Variants in CENPE observed in about 807,000 individuals in gnomAD.
The protein encoded by CENPE is centromere protein E.
Under a neutral mutation model 336.1 loss-of-function variants are expected in CENPE, and 145 were observed. The ratio of observed to expected loss-of-function variants is 0.43; its 90% CI spans 0.38 to 0.50. CENPE has a LOEUF of 0.50. Among genes scored for constraint, CENPE ranks in the 20% least tolerant of loss-of-function variants. The pLI is 0.00. For missense variants in CENPE, 2,719 were observed against 3,023.3 expected (o/e 0.90, Z 2.36); for synonymous variants, 1,013 against 984.8 (o/e 1.03, Z -0.54).
At chr4:103,143,115 T>G in intron 34 of CENPE, 133 bp downstream of exon 34, 1 of 558,688 alleles carries the variant, frequency 1.8e-6, no homozygotes, top group Non-Finnish European at 3.1e-6. Flanking sequence ...AAAAGATCAA[T>G]GATAGTTTCT....
At chr4:103,171,237 T>C (rs55895342) in intron 16 of CENPE, among the ~76,000 whole-genome samples, 22,237 of 152,030 alleles carry the variant, frequency 0.15, 1,934 homozygotes, top group South Asian at 0.31. Context: ...TCTTATCAAC[T>C]GCACATGGAA....
In CENPE at chr4:103,141,844, A is replaced by G. The variant is rs746916598; in HGVS notation, c.5369T>C (p.Ile1790Thr). Reference sequence around the variant, plus strand: ...AGAAACAATTCCTCTGAGTTTGTCAATAGTTTCCTGCTGCTCTTTCAGATG... The same window carrying G: ...AGAAACAATTCCTCTGAGTTTGTCAGTAGTTTCCTGCTGCTCTTTCAGATG... The part of the protein sequence containing the change: ...HMHLKEQQET[I>T]DKLRGIVSEK... Residue 1790 changes from isoleucine (I) to threonine (T), a missense_variant, in exon 35 of 49, where the codon ATT becomes ACT. Ile to Thr is a moderately conservative substitution (Grantham distance 89). Coordinates refer to ENST00000265148, the MANE Select transcript of CENPE (RefSeq NM_001813.3). The G allele has an allele frequency of 2.5e-6, 4 of 1,601,126 alleles. No homozygotes were observed. The highest frequency in any genetic ancestry group is 1.7e-5 in the Admixed American group (1 of 59,138).
At position 103,152,960 on chromosome 4, in the gene CENPE, T is replaced by C. The variant is rs542246102; in HGVS notation, c.3237+87A>G. ...ACTTCCACCAGATACATTTATTGTA[T>C]ATAAATTATACCTCAATAAAGTTGA... On this transcript the variant is annotated intron_variant, in intron 25 of 48. Coordinates refer to ENST00000265148, the MANE Select transcript of CENPE (RefSeq NM_001813.3). 4.3e-5 allele frequency: 40 copies of C among 940,536 alleles called. No individual in the cohort carries two copies. In the South Asian group the frequency reaches 5.4e-4, roughly 13 times the overall value. 58.3% of individuals were successfully genotyped at this position (940,536 alleles called of 1,614,324 possible). A position where few individuals can be genotyped will look rare whatever the true frequency, so the allele number is the denominator to read the frequency against.
chr4:103,193,140 A>G (rs4699050), intron 8 of CENPE, among the ~76,000 whole-genome samples: 51,693 of 151,796 alleles, frequency 0.34, 9,200 homozygotes, highest in Middle Eastern at 0.47. Context: ...GATGGAACAC[A>G]AATGACAGAG....
chr4:103,113,296 C>G (rs966301614), intron 46 of CENPE, among the ~76,000 whole-genome samples: 1 of 141,522 alleles, frequency 7.1e-6, no homozygotes, highest in South Asian at 2.2e-4. Context: ...AAATCCTTCA[C>G]AGCAGTTCTG....
chr4:103,122,750 C>G, intron 43 of CENPE, 121 bp downstream of exon 43: 1 of 695,586 alleles, frequency 1.4e-6, no homozygotes, highest in Non-Finnish European at 2.5e-6. Flanking sequence ...TAGTAAAAAT[C>G]AAGCCCATCA....
Position 103,109,079 on chromosome 4 carries a change from G to A in CENPE, c.7735C>T (p.His2579Tyr), listed in dbSNP as rs762856315. The change falls in exon 48 of 49, where the codon CAT (histidine) becomes TAT (tyrosine). Residue 2579 changes from histidine to tyrosine, a missense_variant. Coordinates refer to ENST00000265148, the MANE Select transcript of CENPE (RefSeq NM_001813.3). ...QKNELLSNNQ[H>Y]LSNEVKTWKE... is the part of the protein sequence containing the mutation. Reference sequence around the variant, plus strand: ...CAAGTTTTGACCTCATTGGAAAGATGCTGATTATTGCTTAAATGTGGGGGA... The same window carrying A: ...CAAGTTTTGACCTCATTGGAAAGATACTGATTATTGCTTAAATGTGGGGGA... 6.2e-6 allele frequency: 10 copies of A among 1,606,400 alleles called. No homozygotes were observed. The highest frequency in any genetic ancestry group is 8.5e-6 in the Non-Finnish European group (10 of 1,176,618).
At chr4:103,114,343 G>C in intron 46 of CENPE, 112 bp downstream of exon 46, 1 of 604,434 alleles carries the variant, frequency 1.7e-6, no homozygotes, top group Non-Finnish European at 2.9e-6. Flanking sequence ...TAGATTAGTG[G>C]CCAACTTCTG....
In CENPE at chr4:103,133,626, T is replaced by G. The variant is rs1751802652; in HGVS notation, c.6720+69A>C. ...GTAAATGAAAATAGCTCTAAGCACA[T>G]GAAAAAGTACCTTTCTACTTGATAA... is the stretch of plus-strand genomic sequence containing the variant. On this transcript the variant is annotated intron_variant, in intron 41 of 48. Coordinates refer to ENST00000265148, the MANE Select transcript of CENPE (RefSeq NM_001813.3). 9 of 1,049,716 alleles carry G rather than the reference T, an allele frequency of 8.6e-6. 1 individual carries two copies. In the South Asian group the frequency reaches 1.3e-4, roughly 15 times the overall value. The allele number at this position is 1,049,716 out of a possible 1,614,324, so 65.0% of individuals were successfully genotyped here.
intron 24 of CENPE, among the ~76,000 whole-genome samples, chr4:103,154,908 T>C (rs1351491376): frequency 1.3e-5 from 2 of 152,138 alleles, no homozygotes; most frequent in Non-Finnish European, 2.9e-5. Flanking sequence ...AGGAGATTCA[T>C]GATAGACCTG....
Position 103,153,027 on chromosome 4 carries a change from T to C in CENPE, c.3237+20A>G, listed in dbSNP as rs564221062. 1 of 1,552,708 alleles carries C rather than the reference T, an allele frequency of 6.4e-7. No homozygotes were observed. Among genetic ancestry groups the C allele is most frequent in the South Asian group, 1.2e-5 (1 of 84,922 alleles). On this transcript the variant is annotated intron_variant, in intron 25 of 48. Transcript: ENST00000265148. ...ATGAAGACAAAAAGGTAATGCCAAG[T>C]ATACAGTGCTAAATCCTACCATTTC...
At chr4:103,155,341 ACT>A (rs1753879248) in intron 24 of CENPE, among the ~76,000 whole-genome samples, 1 of 151,946 alleles carries the variant, frequency 6.6e-6, no homozygotes, top group Non-Finnish European at 1.5e-5. Context: ...ACAGGGTCTC[ACT>A]CTGTCGCCCA....
intron 46 of CENPE, 57 bp from the exon 47 acceptor site, chr4:103,111,068 A>G: frequency 7.9e-7 from 1 of 1,262,138 alleles, no homozygotes; most frequent in African/African-American, 1.5e-5. Context: ...AAAGTTCAAA[A>G]TAAAGGAAAT....
At chr4:103,177,190 A>G in intron 13 of CENPE, 144 bp from the exon 14 acceptor site, 2 of 596,874 alleles carry the variant, frequency 3.4e-6, no homozygotes, top group Non-Finnish European at 5.5e-6. Context: ...GTCTAAGGAT[A>G]TTGCTTAAAA....
At chr4:103,122,816 C>G (rs373503515) in intron 43 of CENPE, 55 bp downstream of exon 43, 3 of 1,367,892 alleles carry the variant, frequency 2.2e-6, no homozygotes, top group East Asian at 4.6e-5. Context: ...TAATTTTGCT[C>G]TAAACTCTGT....
chr4:103,127,784 G>A (rs1488114043), intron 42 of CENPE, among the ~76,000 whole-genome samples: 1 of 152,068 alleles, frequency 6.6e-6, no homozygotes, highest in Non-Finnish European at 1.5e-5. Flanking sequence ...AAGTGTAGTT[G>A]TATGCTAAGC....
Position 103,143,141 on chromosome 4 carries a change from G to C in CENPE, c.5304+107C>G, listed in dbSNP as rs1037816748. 9 of 668,180 alleles carry C rather than the reference G, an allele frequency of 1.3e-5. No homozygotes were observed. The African/African-American group carries it at 1.7e-4, about 12-fold the overall frequency. 41.4% of individuals were successfully genotyped at this position (668,180 alleles called of 1,614,324 possible). On this transcript the variant is annotated intron_variant, in intron 34 of 48. Transcript: ENST00000265148. ...GATAGTTTCTAAATTGAGTAGGCAAGTAAGTCTTCACTTGCCTTCAATTTT... is the reference window on the plus strand; with the variant it reads ...GATAGTTTCTAAATTGAGTAGGCAACTAAGTCTTCACTTGCCTTCAATTTT...
At chr4:103,181,487 TCAA>T (rs777114826) in intron 11 of CENPE, 31 bp from the exon 12 acceptor site, 2 of 1,526,000 alleles carry the variant, frequency 1.3e-6, no homozygotes, top group East Asian at 5.0e-5. Flanking sequence ...TGCTAAGTGT[TCAA>T]CACTTAAAAA....
At chr4:103,115,291 G>C (rs968852630) in intron 45 of CENPE, among the ~76,000 whole-genome samples, 21 of 151,858 alleles carry the variant, frequency 1.4e-4, no homozygotes, top group African/African-American at 5.1e-4. Context: ...CTGCCACCAC[G>C]CCTGGCTAAT....
Sources: gnomAD v4.1 joint callset for allele counts (sites outside exome capture counted in the v4.1 genomes callset) on GRCh38, gnomAD v4.1.1 for gene constraint, MANE v1.5 for transcripts, NCBI Gene and HGNC (gene_info 2026-07-23, HGNC 2026-07-21) for gene names.